Variants in GFM2 observed in about 807,000 individuals in gnomAD.
GFM2 encodes the protein ribosome-releasing factor 2, mitochondrial.
In GFM2, 72 loss-of-function variants were observed where a neutral mutation model predicts 95.4. That is an observed-to-expected ratio of 0.76 (90% CI 0.62 to 0.92). GFM2 has a LOEUF of 0.92. Ranked by LOEUF, GFM2 falls within the 40% of genes least tolerant of loss-of-function variation. The pLI is 0.00. For synonymous variants in GFM2, 276 were observed against 317.5 expected (o/e 0.87, Z 1.39); for missense variants, 825 against 924.1 (o/e 0.89, Z 1.39).
At chr5:74,721,804 C>T in intron 20 of GFM2, 21 bp from the exon 21 acceptor site, 3 of 1,584,896 alleles carry the variant, frequency 1.9e-6, no homozygotes, top group Non-Finnish European at 2.6e-6. Context: ...TAATTTAAGT[C>T]ATTTATATTA....
At chr5:74,730,731 A>G (rs934929800) in intron 16 of GFM2, 4 of 171,476 alleles carry the variant, frequency 2.3e-5, no homozygotes, top group East Asian at 1.6e-4. Context: ...ATTTCTGGCC[A>G]ATGGAAGATG....
intron 12 of GFM2, 39 bp from the exon 13 acceptor site, chr5:74,738,681 C>T (rs1416728609): frequency 6.4e-7 from 1 of 1,561,424 alleles, no homozygotes; most frequent in Non-Finnish European, 8.7e-7. Flanking sequence ...ATAAAATACA[C>T]TTCCCATAAC....
At chr5:74,742,881 C>A (rs917616389) in intron 10 of GFM2, among the ~76,000 whole-genome samples, 7 of 152,082 alleles carry the variant, frequency 4.6e-5, no homozygotes, top group African/African-American at 1.7e-4. Flanking sequence ...GTTGGTCACG[C>A]TGGTCTCAAA....
chr5:74,722,475 C>G lies in GFM2; in HGVS notation c.2115G>C (p.Leu705=), dbSNP rs767924691. Reference sequence around the variant, plus strand: ...TTCCTCTTCTTTGTGCCAGATCTGCCAGGACAGGGCTGAGATAATCTCTAG... The same window carrying G: ...TTCCTCTTCTTTGTGCCAGATCTGCGAGGACAGGGCTGAGATAATCTCTAG... ...TVARDYLSPV[L]ADLAQRRGNI... Residue 705 remains leucine (L), a synonymous_variant, in exon 20 of 21, where the codon CTG becomes CTC. Transcript: ENST00000296805. 1.2e-6 allele frequency: 2 copies of G among 1,613,956 alleles called. No homozygotes were observed. The highest frequency in any genetic ancestry group is 3.3e-5 in the Admixed American group (2 of 60,012).
chr5:74,756,296 CCA>C (rs70976132), intron 5 of GFM2, among the ~76,000 whole-genome samples: 19,794 of 152,026 alleles, frequency 0.13, 1,594 homozygotes, highest in Middle Eastern at 0.23. Flanking sequence ...TACATGCACA[CCA>C]CATTTTCTTT....
intron 17 of GFM2, among the ~76,000 whole-genome samples, chr5:74,729,942 T>A (rs920695704): frequency 1.3e-5 from 2 of 152,160 alleles, no homozygotes; most frequent in Non-Finnish European, 2.9e-5. Flanking sequence ...AATAACACAT[T>A]GACTTCAAAT....
intron 19 of GFM2, 59 bp downstream of exon 19, chr5:74,725,581 A>G: frequency 9.0e-7 from 1 of 1,111,706 alleles, no homozygotes; most frequent in Admixed American, 1.7e-5. Context: ...CTGCAAGATC[A>G]GTGGTACTAT....
rs1204240351 is a variant in GFM2, at chr5:74,721,517, A to C, written c.*138T>G. 7 of 993,372 alleles carry C rather than the reference A, an allele frequency of 7.0e-6. No individual in the cohort carries two copies. Among genetic ancestry groups the C allele is most frequent in the Non-Finnish European group, 1.1e-5 (7 of 646,520 alleles). 61.5% of individuals were successfully genotyped at this position (993,372 alleles called of 1,614,324 possible). On this transcript the variant is annotated 3_prime_UTR_variant, in exon 21 of 21. Coordinates refer to ENST00000296805, the MANE Select transcript of GFM2 (RefSeq NM_032380.5). ...GGCTCCAGTGCCACTATCAAAGCTT[A>C]AGTTATATCTTTTATCTAGTTCTCT...
intron 5 of GFM2, among the ~76,000 whole-genome samples, chr5:74,757,990 T>C (rs887140654): frequency 1.1e-4 from 16 of 152,172 alleles, no homozygotes; most frequent in African/African-American, 3.4e-4. Context: ...TTTTGAAAGA[T>C]GAAAATGTTT....
intron 1 of GFM2, chr5:74,765,057 A>T (rs1246107670): frequency 8.6e-7 from 1 of 1,163,390 alleles, no homozygotes; most frequent in Non-Finnish European, 1.1e-6. Context: ...AAGTGCTGGG[A>T]TTACAGGCGT....
Position 74,738,214 on chromosome 5 carries a change from T to C in GFM2, c.1320+104A>G, listed in dbSNP as rs1742928633. The C allele has an allele frequency of 1.8e-4, 141 of 800,286 alleles. 1 individual carries two copies. The South Asian group carries it at 2.4e-3, about 13-fold the overall frequency. 49.6% of individuals were successfully genotyped at this position (800,286 alleles called of 1,614,324 possible). A position where few individuals can be genotyped will look rare whatever the true frequency, so the allele number is the denominator to read the frequency against. On this transcript the variant is annotated intron_variant, in intron 14 of 20. Transcript: ENST00000296805. ...GCCATAATATTCTTTATTCTACTAT[T>C]GATGGACATTTGGATTGTTTATGGG... is the stretch of plus-strand genomic sequence containing the variant.
chr5:74,728,844 C>A (rs911767023), intron 17 of GFM2, among the ~76,000 whole-genome samples: 4 of 146,570 alleles, frequency 2.7e-5, no homozygotes, highest in Admixed American at 7.0e-5. Context: ...GCAACTTCGC[C>A]TCTGGGATTC....
chr5:74,739,895 T>A (rs1164762702), intron 12 of GFM2, 94 bp downstream of exon 12: 1 of 903,206 alleles, frequency 1.1e-6, no homozygotes, highest in Non-Finnish European at 1.6e-6. Context: ...CCACTATTAT[T>A]CAAAAATGGT....
chr5:74,750,647 C>G lies in GFM2; in HGVS notation c.451G>C (p.Glu151Gln). The change falls in exon 7 of 21, where the codon GAG becomes CAG. Residue 151 changes from glutamate (E) to glutamine (Q), a missense_variant. Coordinates refer to ENST00000296805, the MANE Select transcript of GFM2 (RefSeq NM_032380.5). ...DTPGHVDFTL[E>Q]VERCLRVLDG... ...AACACTCTTAGGCACCGCTCAACCT[C>G]CAAGGTAAAGTCCACATGACCTAAG... The G allele has an allele frequency of 6.2e-7, 1 of 1,613,134 alleles. No individual in the cohort carries two copies. Among genetic ancestry groups the G allele is most frequent in the Non-Finnish European group, 8.5e-7 (1 of 1,179,358 alleles).
rs951416340 is a variant in GFM2 at position 74,741,517 on chromosome 5, A to C, written c.930+12T>G. The C allele has an allele frequency of 4.5e-6, 6 of 1,319,766 alleles. No homozygotes were observed. The African/African-American group carries it at 8.8e-5, about 19-fold the overall frequency. The allele number at this position is 1,319,766 out of a possible 1,614,324, so 81.8% of individuals were successfully genotyped here. ...TAAAATTTTGTGAAAGCCATTGAAT[A>C]ATAAAATTTACCTTTTCAGCTGGTA... On this transcript the variant is annotated intron_variant, in intron 11 of 20. Transcript: ENST00000296805.
At position 74,745,848 on chromosome 5, in the gene GFM2, C is replaced by A; in HGVS notation, c.679G>T (p.Gly227Cys). Residue 227 changes from glycine (G) to cysteine (C), a missense_variant, in exon 10 of 21, where the codon GGT (glycine) becomes TGT (cysteine). Coordinates refer to ENST00000296805, the MANE Select transcript of GFM2 (RefSeq NM_032380.5). ...ACTCCTTTGAAAGTTTTGGCTTCAC[C>A]AATTGGTAACTGTAAGTCAGAGTGA... ...AKPLLLQLPI[G>C]EAKTFKGVVD... 1 of 1,610,354 alleles carries A rather than the reference C, an allele frequency of 6.2e-7. No individual in the cohort carries two copies. The highest frequency in any genetic ancestry group is 8.5e-7 in the Non-Finnish European group (1 of 1,178,696).
intron 5 of GFM2, among the ~76,000 whole-genome samples, chr5:74,752,191 T>C (rs1743752099): frequency 6.6e-6 from 1 of 152,184 alleles, no homozygotes; most frequent in African/African-American, 2.4e-5. Context: ...ACAAAAAAAC[T>C]ATCCTGAACT....
intron 12 of GFM2, among the ~76,000 whole-genome samples, 168 bp from the exon 13 acceptor site, chr5:74,738,810 A>T (rs550738633): frequency 1.3e-5 from 2 of 152,194 alleles, no homozygotes; most frequent in African/African-American, 4.8e-5. Flanking sequence ...TAAATTACTC[A>T]ATGGAGATCT....
At chr5:74,751,281 C>T in intron 6 of GFM2, 87 bp downstream of exon 6, 1 of 1,344,424 alleles carries the variant, frequency 7.4e-7, no homozygotes, top group Non-Finnish European at 1.0e-6. Flanking sequence ...GTTTTTTTAC[C>T]ACAATAAAAA....
Sources: gnomAD v4.1 joint callset for allele counts (sites outside exome capture counted in the v4.1 genomes callset) on GRCh38, gnomAD v4.1.1 for gene constraint, MANE v1.5 for transcripts, NCBI Gene and HGNC (gene_info 2026-07-23, HGNC 2026-07-21) for gene names.